Variants in LDLRAD4 observed in about 807,000 individuals in gnomAD.
The protein encoded by LDLRAD4 is low-density lipoprotein receptor class A domain-containing protein 4.
In LDLRAD4, 5 loss-of-function variants were observed where a neutral mutation model predicts 17.0. The ratio of observed to expected loss-of-function variants is 0.29; its 90% CI spans 0.15 to 0.62. The LOEUF (loss-of-function observed/expected upper bound fraction) is 0.62. Among genes scored for constraint, LDLRAD4 ranks in the 20% least tolerant of loss-of-function variants. The probability of loss-of-function intolerance (pLI) is 0.84; values close to 1 mark genes in which losing one functional copy is unlikely to be tolerated. For synonymous variants in LDLRAD4, 168 were observed against 171.8 expected, an observed-to-expected ratio of 0.98 and a Z score of 0.17; for missense variants, 340 against 424.7, an observed-to-expected ratio of 0.80 and a Z score of 1.75.
At chr18:13,601,839 T>G (rs1044928836) in intron 3 of LDLRAD4, among the ~76,000 whole-genome samples, 2 of 152,142 alleles carry the variant, frequency 1.3e-5, no homozygotes, top group African/African-American at 4.8e-5. Flanking sequence ...TAAATCAGTC[T>G]ACCAAAAAGA....
At chr18:13,441,275 T>G (rs547783578) in intron 3 of LDLRAD4, among the ~76,000 whole-genome samples, 1 of 152,340 alleles carries the variant, frequency 6.6e-6, no homozygotes, top group East Asian at 1.9e-4. Context: ...GATGACACTT[T>G]TTATTGGATC....
exon 6 of LDLRAD4, chr18:13,646,763 T>G (rs947057865): frequency 6.5e-6 from 1 of 152,704 alleles, no homozygotes; most frequent in Non-Finnish European, 1.5e-5. Flanking sequence ...TGTTGAAATA[T>G]GTGACTCCTC....
At chr18:13,648,000 C>T (rs1303592039) in exon 6 of LDLRAD4, 2 of 152,300 alleles carry the variant, frequency 1.3e-5, no homozygotes, top group East Asian at 3.8e-4. Context: ...GCCCGTGTTC[C>T]CATCGGGCCC....
chr18:13,408,765 T>C (rs1466658287), intron 2 of LDLRAD4, among the ~76,000 whole-genome samples: 2 of 152,176 alleles, frequency 1.3e-5, no homozygotes, highest in Non-Finnish European at 2.9e-5. Flanking sequence ...ACACAGCTTA[T>C]TAATCGAGCT....
At chr18:13,624,629 C>T (rs2040956147) in intron 4 of LDLRAD4, among the ~76,000 whole-genome samples, 1 of 152,196 alleles carries the variant, frequency 6.6e-6, no homozygotes, top group Non-Finnish European at 1.5e-5. Context: ...ACCTGTGTCT[C>T]CTCCGTCCCC....
chr18:13,599,066 T>C (rs1290627236), intron 3 of LDLRAD4, among the ~76,000 whole-genome samples: 1 of 152,158 alleles, frequency 6.6e-6, no homozygotes, highest in Non-Finnish European at 1.5e-5. Flanking sequence ...CAAGTGGTAA[T>C]AGGAAGCCTA....
intron 3 of LDLRAD4, among the ~76,000 whole-genome samples, chr18:13,479,705 T>C (rs957143696): frequency 4.0e-5 from 6 of 151,874 alleles, no homozygotes; most frequent in Non-Finnish European, 7.4e-5. Flanking sequence ...GACCAAACTA[T>C]ACGAAGAACT....
intron 2 of LDLRAD4, among the ~76,000 whole-genome samples, chr18:13,412,367 C>T (rs576032326): frequency 1.8e-4 from 27 of 152,318 alleles, no homozygotes; most frequent in Middle Eastern, 3.4e-3. Context: ...TTTCTTTTCT[C>T]TCTGAAAAAT....
chr18:13,421,994 C>T (rs1166826801), intron 2 of LDLRAD4, among the ~76,000 whole-genome samples: 1 of 152,248 alleles, frequency 6.6e-6, no homozygotes, highest in Non-Finnish European at 1.5e-5. Context: ...TTCTGATGCT[C>T]ATTACACACC....
chr18:13,405,954 C>T (rs374758290), intron 2 of LDLRAD4, among the ~76,000 whole-genome samples: 91 of 152,334 alleles, frequency 6.0e-4, no homozygotes, highest in African/African-American at 2.1e-3. Flanking sequence ...CAATTCCTTC[C>T]TAAGTCCGTT....
chr18:13,501,031 C>T (rs1338056149), intron 3 of LDLRAD4: 1 of 151,972 alleles, frequency 6.6e-6, no homozygotes, highest in Non-Finnish European at 1.5e-5. Flanking sequence ...TTTACAGCCA[C>T]CTGGAGAGGA....
intron 3 of LDLRAD4, among the ~76,000 whole-genome samples, chr18:13,446,475 C>G (rs1278000354): frequency 6.6e-6 from 1 of 152,190 alleles, no homozygotes; most frequent in East Asian, 1.9e-4. Flanking sequence ...TGGTTTCATG[C>G]TGGATTTTCA....
chr18:13,587,913 C>G (rs1472758230), intron 3 of LDLRAD4, among the ~76,000 whole-genome samples: 1 of 152,162 alleles, frequency 6.6e-6, no homozygotes, highest in Non-Finnish European at 1.5e-5. Context: ...GGTAGCTGAT[C>G]TTGAATCTCT....
chr18:13,380,423 C>T (rs1253314967), intron 1 of LDLRAD4, among the ~76,000 whole-genome samples: 1 of 152,200 alleles, frequency 6.6e-6, no homozygotes, highest in Admixed American at 6.5e-5. Flanking sequence ...CACCTGGTTC[C>T]AGCCCTGGCT....
chr18:13,349,958 C>G (rs760244271), intron 1 of LDLRAD4, among the ~76,000 whole-genome samples: 1 of 152,128 alleles, frequency 6.6e-6, no homozygotes, highest in South Asian at 2.1e-4. Context: ...GCAAAGGACA[C>G]GATCTCATTC....
chr18:13,279,823 A>G (rs2045141387), intron 1 of LDLRAD4: 1 of 152,278 alleles, frequency 6.6e-6, no homozygotes, highest in African/African-American at 2.4e-5. Flanking sequence ...GGCAATTTTC[A>G]AGCACAGACT....
chr18:13,429,843 A>G lies in LDLRAD4; in HGVS notation c.41-8401A>G, dbSNP rs558779294. ...AGGGAGCACTGAAGTTGTTCAGAGG[A>G]AAAATGAAAAGCTGCTGGTGTAGTC... On this transcript the variant is annotated intron_variant, in intron 2 of 5. Coordinates refer to ENST00000359446, the Ensembl canonical transcript of LDLRAD4. 7.2e-5 allele frequency among the ~76,000 whole-genome samples: 11 copies of G among 152,366 alleles called. No homozygotes were observed. In the East Asian group the frequency reaches 7.7e-4, roughly 11 times the overall value.
intron 1 of LDLRAD4, among the ~76,000 whole-genome samples, chr18:13,377,919 A>G (rs1210656930): frequency 6.6e-6 from 1 of 152,232 alleles, no homozygotes; most frequent in East Asian, 1.9e-4. Context: ...CGAGTTGTGA[A>G]AAATTATATA....
At chr18:13,567,474 G>C (rs1447120725) in intron 3 of LDLRAD4, among the ~76,000 whole-genome samples, 1 of 152,092 alleles carries the variant, frequency 6.6e-6, no homozygotes, top group Non-Finnish European at 1.5e-5. Context: ...AGCCCCCCAG[G>C]AGTTACGCTT....
Sources: gnomAD v4.1 joint callset for allele counts (sites outside exome capture counted in the v4.1 genomes callset) on GRCh38, gnomAD v4.1.1 for gene constraint, MANE v1.5 for transcripts, NCBI Gene and HGNC (gene_info 2026-07-23, HGNC 2026-07-21) for gene names.